The following HECW2 variants were observed in gnomAD, a reference collection of about 807,000 sequenced individuals.
HECW2 encodes E3 ubiquitin-protein ligase HECW2.
HECW2 carries 61 observed loss-of-function variants against 175.2 expected under a neutral mutation model. That is an observed-to-expected ratio of 0.35 (90% CI 0.28 to 0.43). HECW2 has a LOEUF of 0.43. Ranked by LOEUF, HECW2 falls within the 20% of genes least tolerant of loss-of-function variation. The probability of loss-of-function intolerance (pLI) is 1.00; values close to 1 mark genes in which losing one functional copy is unlikely to be tolerated. For missense variants in HECW2, 1,524 were observed against 2,000.5 expected, an observed-to-expected ratio of 0.76 and a Z score of 4.54; for synonymous variants, 671 against 731.0, an observed-to-expected ratio of 0.92 and a Z score of 1.32.
chr2:196,418,161 C>T (rs374318688), intron 2 of HECW2, among the ~76,000 whole-genome samples: 3 of 151,716 alleles, frequency 2.0e-5, no homozygotes, highest in South Asian at 2.1e-4. Flanking sequence ...TGGAGTCTCG[C>T]TCTGTTGCCC....
Position 196,320,427 on chromosome 2 carries a change from G to T in HECW2, c.897C>A (p.Leu299=). The change falls in exon 8 of 29, where the codon CTC becomes CTA. Residue 299 remains leucine (L), a synonymous_variant. Transcript: ENST00000644978. The stretch of plus-strand genomic sequence containing the variant: ...GGAGCCTTCTGCCAAGGTTGTAGCT[G>T]AGCATTTGATCACTGCAAGAAGAGA... ...LERQAIGDQM[L]SYNLGRRLPA... is the part of the protein sequence containing the mutation. 2 of 1,610,214 alleles carry T rather than the reference G, an allele frequency of 1.2e-6. No individual in the cohort carries two copies. The highest frequency in any genetic ancestry group is 1.7e-6 in the Non-Finnish European group (2 of 1,176,892).
In HECW2 at chr2:196,303,977, C is replaced by A. The variant is rs145181951; in HGVS notation, c.2814+2511G>T. On this transcript the variant is annotated intron_variant, in intron 13 of 28. Transcript: ENST00000644978. ...TAGCCCAAGCCACTTCCATGCCTTA[C>A]CACAGTAGCTTTTCACTTAGTCTCC... Among the ~76,000 whole-genome samples, 54 of 152,344 alleles carry A rather than the reference C, an allele frequency of 3.5e-4. No individual in the cohort carries two copies. In the East Asian group the frequency reaches 9.4e-3, roughly 27 times the overall value.
At chr2:196,356,086 A>G (rs1035319325) in intron 2 of HECW2, among the ~76,000 whole-genome samples, 3 of 152,226 alleles carry the variant, frequency 2.0e-5, no homozygotes, top group African/African-American at 7.2e-5. Flanking sequence ...GAGTGGGAGA[A>G]GAAGACATGA....
intron 1 of HECW2, among the ~76,000 whole-genome samples, chr2:196,531,128 T>A (rs955667250): frequency 6.6e-6 from 1 of 152,188 alleles, no homozygotes; most frequent in Non-Finnish European, 1.5e-5. Context: ...TTAATTAGCA[T>A]AAGGGATGCC....
chr2:196,474,779 G>T (rs547368031), intron 1 of HECW2, among the ~76,000 whole-genome samples: 1 of 152,130 alleles, frequency 6.6e-6, no homozygotes, highest in African/African-American at 2.4e-5. Flanking sequence ...TCATACCAGG[G>T]TAGGTAAGTT....
intron 2 of HECW2, among the ~76,000 whole-genome samples, chr2:196,390,725 T>C (rs1694482598): frequency 6.6e-6 from 1 of 152,156 alleles, no homozygotes. Flanking sequence ...CATTCATGGA[T>C]CTAGACACAA....
chr2:196,493,526 T>C (rs1382195956), intron 1 of HECW2, among the ~76,000 whole-genome samples: 1 of 149,898 alleles, frequency 6.7e-6, no homozygotes, highest in Non-Finnish European at 1.5e-5. Flanking sequence ...TTAAAGTATA[T>C]TTTTTAAAGC....
At chr2:196,558,125 T>A (rs1050181785) in intron 1 of HECW2, among the ~76,000 whole-genome samples, 1 of 152,332 alleles carries the variant, frequency 6.6e-6, no homozygotes, top group African/African-American at 2.4e-5. Flanking sequence ...ATATTCTTCA[T>A]CCAGTAGTTT....
At chr2:196,331,288 G>A (rs10210442) in intron 4 of HECW2, 980,028 of 984,762 alleles carry the variant, frequency 1, 487,818 homozygotes, top group East Asian at 1. Context: ...CTGACTCAGC[G>A]TTTCCAGATT....
intron 1 of HECW2, among the ~76,000 whole-genome samples, chr2:196,527,751 G>A (rs960170731): frequency 6.6e-6 from 1 of 152,294 alleles, no homozygotes. Flanking sequence ...ACAGCAGCAC[G>A]CTTTGAACCA....
At chr2:196,292,507 G>A (rs1462115255) in intron 14 of HECW2, 58 bp downstream of exon 14, 16 of 1,487,634 alleles carry the variant, frequency 1.1e-5, no homozygotes, top group African/African-American at 5.5e-5. Context: ...GCCAAGTGTC[G>A]AAGCCACAAG....
intron 15 of HECW2, 79 bp downstream of exon 15, chr2:196,278,449 A>C: frequency 6.8e-7 from 1 of 1,462,512 alleles, no homozygotes; most frequent in East Asian, 2.3e-5. Context: ...CTTTAAAAAA[A>C]TCAGTCAAAT....
intron 1 of HECW2, among the ~76,000 whole-genome samples, chr2:196,492,668 G>C (rs769414474): frequency 2.6e-5 from 4 of 152,110 alleles, no homozygotes; most frequent in Non-Finnish European, 5.9e-5. Context: ...TATTACCAAA[G>C]TATTCTCTTT....
chr2:196,247,588 T>C (rs1038280740), intron 19 of HECW2, among the ~76,000 whole-genome samples: 1 of 152,210 alleles, frequency 6.6e-6, no homozygotes, highest in Non-Finnish European at 1.5e-5. Flanking sequence ...AAAATTTCAG[T>C]AACAGACACT....
intron 2 of HECW2, among the ~76,000 whole-genome samples, 200 bp downstream of exon 2, chr2:196,432,932 T>C (rs981999444): frequency 7.9e-5 from 12 of 152,166 alleles, no homozygotes; most frequent in Non-Finnish European, 1.8e-4. Context: ...GGTAGAGATG[T>C]AACCACAAAC....
intron 1 of HECW2, among the ~76,000 whole-genome samples, chr2:196,532,477 AG>A (rs879004152): frequency 6.6e-6 from 1 of 151,502 alleles, no homozygotes; most frequent in African/African-American, 2.4e-5. Context: ...AGGGCCTGTC[AG>A]GGGGTGGGTG....
chr2:196,322,430 C>T (rs1372868919), intron 7 of HECW2, 48 bp downstream of exon 7: 3 of 1,524,528 alleles, frequency 2.0e-6, no homozygotes, highest in Admixed American at 2.1e-5. Flanking sequence ...TCATTTTTTC[C>T]TATATGAACT....
At chr2:196,529,196 T>C (rs1371415685) in intron 1 of HECW2, among the ~76,000 whole-genome samples, 1 of 152,194 alleles carries the variant, frequency 6.6e-6, no homozygotes, top group Admixed American at 6.5e-5. Context: ...CTTCTGGCTC[T>C]TGTGTACCTC....
intron 2 of HECW2, among the ~76,000 whole-genome samples, chr2:196,396,137 A>T (rs1694655645): frequency 6.6e-6 from 1 of 152,242 alleles, no homozygotes; most frequent in African/African-American, 2.4e-5. Flanking sequence ...ATATTGTATG[A>T]TTCCACATAC....
Sources: gnomAD v4.1 joint callset for allele counts (sites outside exome capture counted in the v4.1 genomes callset) on GRCh38, gnomAD v4.1.1 for gene constraint, MANE v1.5 for transcripts, NCBI Gene and HGNC (gene_info 2026-07-23, HGNC 2026-07-21) for gene names.